Variants in FSTL4 observed in about 807,000 individuals in gnomAD.
The protein encoded by FSTL4 is follistatin like 4.
Under a neutral mutation model 78.2 loss-of-function variants are expected in FSTL4, and 28 were observed. The observed-to-expected ratio is 0.36, with a 90% confidence interval of 0.27 to 0.49. FSTL4 has a LOEUF of 0.49. Among genes scored for constraint, FSTL4 ranks in the 20% least tolerant of loss-of-function variants. FSTL4 has a pLI of 0.98. For missense variants in FSTL4, 922 were observed against 1,084.9 expected (o/e 0.85, Z 2.11); for synonymous variants, 422 against 440.5 (o/e 0.96, Z 0.53).
chr5:133,745,035 G>A, the FSTL4 span, among the ~76,000 whole-genome samples: 4 of 152,182 alleles, frequency 2.6e-5, no homozygotes, highest in Non-Finnish European at 4.4e-5. Flanking sequence ...ATGAGGAGCC[G>A]GATCTGGCCT....
chr5:133,318,344 C>A (rs898863421), intron 4 of FSTL4, among the ~76,000 whole-genome samples: 5 of 152,046 alleles, frequency 3.3e-5, no homozygotes, highest in Non-Finnish European at 5.9e-5. Flanking sequence ...TGGCTTTGTG[C>A]CCCTACAAAA....
intron 3 of FSTL4, among the ~76,000 whole-genome samples, chr5:133,487,106 A>G (rs561733595): frequency 2.2e-4 from 33 of 152,310 alleles, no homozygotes; most frequent in African/African-American, 7.5e-4. Context: ...CCATACACCA[A>G]TGAACTGCAT....
chr5:133,321,145 T>TG (rs896968112), intron 4 of FSTL4, among the ~76,000 whole-genome samples: 9 of 148,702 alleles, frequency 6.1e-5, no homozygotes, highest in Non-Finnish European at 1.3e-4. Flanking sequence ...ACAAGAGAGG[T>TG]GGGGGGTATG....
the FSTL4 span, among the ~76,000 whole-genome samples, chr5:133,794,104 T>C: frequency 1.3e-5 from 2 of 152,224 alleles, no homozygotes; most frequent in African/African-American, 4.8e-5. Flanking sequence ...GGGCTGCACC[T>C]CTGGAGCTCC....
At chr5:133,351,336 C>A (rs1049217423) in intron 4 of FSTL4, among the ~76,000 whole-genome samples, 1 of 152,124 alleles carries the variant, frequency 6.6e-6, no homozygotes, top group Non-Finnish European at 1.5e-5. Flanking sequence ...TTGCCTGGAA[C>A]TTATTATACT....
the FSTL4 span, among the ~76,000 whole-genome samples, chr5:133,781,538 C>A: frequency 6.6e-6 from 1 of 152,174 alleles, no homozygotes; most frequent in African/African-American, 2.4e-5. Flanking sequence ...CACAGTGAGA[C>A]TTCATTAACC....
chr5:133,792,997 C>A, the FSTL4 span, among the ~76,000 whole-genome samples: 1 of 152,288 alleles, frequency 6.6e-6, no homozygotes, highest in East Asian at 1.9e-4. Context: ...CTGGCTCTGG[C>A]GGGTAGATCT....
the FSTL4 span, among the ~76,000 whole-genome samples, chr5:133,834,811 T>G: frequency 6.6e-6 from 1 of 152,072 alleles, no homozygotes; most frequent in African/African-American, 2.4e-5. Context: ...ATAACATGTA[T>G]AGTTAGATCC....
chr5:133,694,315 G>A, the FSTL4 span, among the ~76,000 whole-genome samples: 1 of 152,228 alleles, frequency 6.6e-6, no homozygotes, highest in East Asian at 1.9e-4. Context: ...AGATATACCC[G>A]AGGGCCTAAA....
At chr5:133,210,128 T>G (rs1250526925) in intron 14 of FSTL4, 63 bp downstream of exon 14, 1 of 860,018 alleles carries the variant, frequency 1.2e-6, no homozygotes, top group Non-Finnish European at 2.0e-6. Flanking sequence ...GATACTTATT[T>G]TATAGGGAGA....
chr5:133,579,080 G>T (rs1431469878), intron 2 of FSTL4, among the ~76,000 whole-genome samples: 1 of 152,138 alleles, frequency 6.6e-6, no homozygotes, highest in African/African-American at 2.4e-5. Flanking sequence ...ACACTAGCAG[G>T]GCTCAGCCTA....
At chr5:133,608,017 A>G (rs1484215845) in intron 1 of FSTL4, among the ~76,000 whole-genome samples, 1 of 152,202 alleles carries the variant, frequency 6.6e-6, no homozygotes, top group Non-Finnish European at 1.5e-5. Context: ...GTCACTCTGG[A>G]GAAGTAAATC....
At chr5:133,224,250 T>C in intron 10 of FSTL4, 34 bp from the exon 11 acceptor site, 1 of 1,590,332 alleles carries the variant, frequency 6.3e-7, no homozygotes, top group Non-Finnish European at 8.6e-7. Flanking sequence ...AGCAGGAGTG[T>C]GATGGAGTCA....
At chr5:133,570,724 T>TA (rs1023947060) in intron 2 of FSTL4, among the ~76,000 whole-genome samples, 4 of 152,046 alleles carry the variant, frequency 2.6e-5, no homozygotes, top group African/African-American at 9.7e-5. Flanking sequence ...AAAGTGGAAT[T>TA]AAAAAAAAGT....
At chr5:133,760,875 G>A in the FSTL4 span, among the ~76,000 whole-genome samples, 1 of 152,204 alleles carries the variant, frequency 6.6e-6, no homozygotes, top group Non-Finnish European at 1.5e-5. Flanking sequence ...AAGGTGAGTG[G>A]TATTTTATCC....
At chr5:133,716,010 A>G in the FSTL4 span, among the ~76,000 whole-genome samples, 2 of 152,236 alleles carry the variant, frequency 1.3e-5, no homozygotes, top group Admixed American at 6.5e-5. Flanking sequence ...TAAGAGTTCA[A>G]GAAAGAATTC....
chr5:133,391,400 G>A (rs754554856), intron 4 of FSTL4, among the ~76,000 whole-genome samples: 1 of 152,186 alleles, frequency 6.6e-6, no homozygotes, highest in Non-Finnish European at 1.5e-5. Context: ...CTGAGCCACC[G>A]GCACCCCTCC....
intron 3 of FSTL4, among the ~76,000 whole-genome samples, chr5:133,492,424 C>A (rs1424256098): frequency 1.3e-5 from 2 of 152,096 alleles, no homozygotes; most frequent in African/African-American, 2.4e-5. Flanking sequence ...GTTTATGTAA[C>A]CTCTTCAGTA....
chr5:133,225,124 A>G lies in FSTL4; in HGVS notation c.1312+26T>C. 6.2e-7 allele frequency: 1 copy of G among 1,614,084 alleles called. No homozygotes were observed. The highest frequency in any genetic ancestry group is 1.1e-5 in the South Asian group (1 of 91,072). The stretch of plus-strand genomic sequence containing the variant: ...CCAACACCTCCCAGCCAGCTCAGTG[A>G]GAAGCATAAACGCGTGTCGACTTAC... On this transcript the variant is annotated intron_variant, in intron 10 of 15. Transcript: ENST00000265342. This position sits in a 1 kb window ranked among gnomAD's most constrained non-coding sequence, Gnocchi z 4.6.
Sources: allele counts gnomAD v4.1 joint callset (sites outside exome capture counted in the v4.1 genomes callset), GRCh38; gene constraint gnomAD v4.1.1; non-coding constraint Gnocchi (gnomAD v3.1); transcripts MANE v1.5; gene names NCBI Gene and HGNC (gene_info 2026-07-23, HGNC 2026-07-21).